Variants in WDR72 observed in about 807,000 individuals in gnomAD.
WDR72 encodes WD repeat-containing protein 72.
WDR72 carries 120 observed loss-of-function variants against 124.2 expected under a neutral mutation model. The observed-to-expected ratio is 0.97, with a 90% CI of 0.83 to 1.12. The LOEUF (loss-of-function observed/expected upper bound fraction) is 1.12. Ranked by LOEUF, WDR72 falls within the 50% of genes most tolerant of loss-of-function variation. The probability of loss-of-function intolerance (pLI) is 0.00; values close to 1 mark genes in which losing one functional copy is unlikely to be tolerated. For synonymous variants in WDR72, 452 were observed against 441.7 expected (o/e 1.02, Z -0.29); for missense variants, 1,387 against 1,278.8 (o/e 1.08, Z -1.29).
chr15:53,740,874 T>A lies in WDR72; in HGVS notation c.-12-7713A>T, dbSNP rs2018490989. 3.3e-5 allele frequency among the ~76,000 whole-genome samples: 5 copies of A among 152,292 alleles called. No individual in the cohort carries two copies. The South Asian group carries it at 1.0e-3, about 32-fold the overall frequency. On this transcript the variant is annotated intron_variant, in intron 1 of 19. Coordinates refer to ENST00000360509, the MANE Select transcript of WDR72 (RefSeq NM_182758.4). ...ATCTATAATATGTGAACAATAAAGA[T>A]ACCTTACAGGGTTGTTGTGAGAATG...
intron 13 of WDR72, 111 bp downstream of exon 13, chr15:53,699,639 A>G: frequency 8.6e-7 from 1 of 1,166,888 alleles, no homozygotes; most frequent in Non-Finnish European, 1.2e-6. Flanking sequence ...GCCCAAACAA[A>G]GGTTAAAGCA....
At chr15:53,696,598 TC>T (rs369841839) in intron 13 of WDR72, among the ~76,000 whole-genome samples, 27 of 152,296 alleles carry the variant, frequency 1.8e-4, no homozygotes, top group African/African-American at 6.0e-4. Context: ...GTTCGTATTT[TC>T]CCCCTAGCTT....
intron 17 of WDR72, among the ~76,000 whole-genome samples, chr15:53,599,605 A>C (rs16966274): frequency 0.14 from 20,909 of 152,054 alleles, 2,227 homozygotes; most frequent in African/African-American, 0.3. Flanking sequence ...CACAATGTGT[A>C]CAGACTATAT....
chr15:53,565,960 T>TA (rs1894282752), intron 18 of WDR72, among the ~76,000 whole-genome samples: 1 of 151,984 alleles, frequency 6.6e-6, no homozygotes, highest in African/African-American at 2.4e-5. Context: ...TCAAGGGTTT[T>TA]AAGAGAAGGA....
At chr15:53,680,014 G>A (rs1189781073) in intron 13 of WDR72, among the ~76,000 whole-genome samples, 1 of 151,042 alleles carries the variant, frequency 6.6e-6, no homozygotes, top group South Asian at 2.1e-4. Context: ...TTAAATTTTG[G>A]TTATGTTGCT....
chr15:53,589,057 A>T (rs1259765313), intron 18 of WDR72, among the ~76,000 whole-genome samples: 1 of 151,932 alleles, frequency 6.6e-6, no homozygotes, highest in East Asian at 1.9e-4. Flanking sequence ...ACTGTAACTG[A>T]ATAAGGAGTG....
At chr15:53,557,577 G>C (rs1489593841) in intron 18 of WDR72, among the ~76,000 whole-genome samples, 4 of 152,018 alleles carry the variant, frequency 2.6e-5, no homozygotes, top group Admixed American at 2.6e-4. Context: ...CCAGAAGGTA[G>C]GAATGGAGAA....
At chr15:53,664,487 A>G (rs2015711946) in intron 14 of WDR72, among the ~76,000 whole-genome samples, 2 of 151,670 alleles carry the variant, frequency 1.3e-5, no homozygotes, top group African/African-American at 4.9e-5. Flanking sequence ...TTAATGGCCC[A>G]TTGGCCTTTC....
At chr15:53,621,804 A>T (rs60423316) in intron 14 of WDR72, among the ~76,000 whole-genome samples, 19,431 of 151,874 alleles carry the variant, frequency 0.13, 2,803 homozygotes, top group African/African-American at 0.36. Flanking sequence ...AACATTTTTT[A>T]AAAAAAGAAA....
At chr15:53,587,135 G>A (rs529511567) in intron 18 of WDR72, among the ~76,000 whole-genome samples, 1 of 152,140 alleles carries the variant, frequency 6.6e-6, no homozygotes, top group African/African-American at 2.4e-5. Context: ...CTTTCACAGT[G>A]AATAACTGTC....
At chr15:53,717,087 T>C (rs1192846393) in intron 3 of WDR72, among the ~76,000 whole-genome samples, 1 of 152,162 alleles carries the variant, frequency 6.6e-6, no homozygotes, top group East Asian at 1.9e-4. Flanking sequence ...GAGGCCAATG[T>C]ATCATTTTTG....
chr15:53,661,287 T>A (rs749082056), intron 14 of WDR72, among the ~76,000 whole-genome samples: 1 of 152,162 alleles, frequency 6.6e-6, no homozygotes, highest in Non-Finnish European at 1.5e-5. Context: ...AGACAGGACA[T>A]CTGGTGAAGG....
At chr15:53,682,953 T>G (rs2140483298) in intron 13 of WDR72, among the ~76,000 whole-genome samples, 1 of 152,300 alleles carries the variant, frequency 6.6e-6, no homozygotes, top group Non-Finnish European at 1.5e-5. Context: ...TCTTTATGAC[T>G]GTGGAAGCCT....
intron 13 of WDR72, among the ~76,000 whole-genome samples, chr15:53,679,938 C>A (rs1207517297): frequency 4.7e-5 from 3 of 64,018 alleles, no homozygotes; most frequent in African/African-American, 9.9e-5. Flanking sequence ...TGCTATATAT[C>A]TGCAGCAAAA....
chr15:53,618,338 G>T (rs2013851854), intron 14 of WDR72, among the ~76,000 whole-genome samples: 1 of 151,742 alleles, frequency 6.6e-6, no homozygotes, highest in Non-Finnish European at 1.5e-5. Context: ...AATTTCTTTT[G>T]ATAGTTTTAT....
At chr15:53,606,286 C>T (rs1325892864) in intron 17 of WDR72, among the ~76,000 whole-genome samples, 1 of 151,958 alleles carries the variant, frequency 6.6e-6, no homozygotes, top group Admixed American at 6.6e-5. Context: ...ATTTTTTGGC[C>T]ACTGGGGAAA....
chr15:53,684,988 G>A (rs1472218763), intron 13 of WDR72, among the ~76,000 whole-genome samples: 1 of 152,178 alleles, frequency 6.6e-6, no homozygotes, highest in Non-Finnish European at 1.5e-5. Context: ...CAACAGACCT[G>A]CAGCTGAGGG....
At chr15:53,615,352 T>C (rs2013711817) in intron 15 of WDR72, 74 bp downstream of exon 15, 2 of 1,240,762 alleles carry the variant, frequency 1.6e-6, no homozygotes, top group East Asian at 2.6e-5. Flanking sequence ...GTTAAAGAGC[T>C]AAATATAGCA....
chr15:53,751,362 T>G (rs533921451), intron 1 of WDR72, among the ~76,000 whole-genome samples: 1 of 152,186 alleles, frequency 6.6e-6, no homozygotes, highest in South Asian at 2.1e-4. Context: ...CCTAATCAAT[T>G]AGCAGCCATC....
Sources: gnomAD v4.1 joint callset for allele counts (sites outside exome capture counted in the v4.1 genomes callset) on GRCh38, gnomAD v4.1.1 for gene constraint, MANE v1.5 for transcripts, NCBI Gene and HGNC (gene_info 2026-07-23, HGNC 2026-07-21) for gene names.